ZCCHC10: variants seen among roughly 807,000 people sequenced by gnomAD.
ZCCHC10 encodes zinc finger CCHC-type containing 10.
Under a neutral mutation model 19.5 loss-of-function variants are expected in ZCCHC10, and 16 were observed. That is an observed-to-expected ratio of 0.82 (90% CI 0.56 to 1.25). ZCCHC10 has a LOEUF of 1.25. ZCCHC10 is among the 50% of genes most tolerant of loss of function. The pLI is 0.00. For missense variants in ZCCHC10, 197 were observed against 201.0 expected, an observed-to-expected ratio of 0.98 and a Z score of 0.12; for synonymous variants, 67 against 72.5, an observed-to-expected ratio of 0.92 and a Z score of 0.38.
At chr5:133,021,141 C>T (rs1325324547) in intron 2 of ZCCHC10, among the ~76,000 whole-genome samples, 2 of 152,160 alleles carry the variant, frequency 1.3e-5, no homozygotes, top group Non-Finnish European at 2.9e-5. Flanking sequence ...CGTGATCCGC[C>T]CGCCTCGGCC....
chr5:133,015,232 C>T (rs1763844194), intron 2 of ZCCHC10, among the ~76,000 whole-genome samples: 1 of 151,918 alleles, frequency 6.6e-6, no homozygotes, highest in African/African-American at 2.4e-5. Context: ...GTGCGCACCA[C>T]CACACTCAGC....
At chr5:133,024,706 A>T (rs1303722192) in intron 1 of ZCCHC10, among the ~76,000 whole-genome samples, 1 of 152,184 alleles carries the variant, frequency 6.6e-6, no homozygotes, top group Non-Finnish European at 1.5e-5. Flanking sequence ...GTTCGAGACC[A>T]GCCTGACCAA....
chr5:133,018,461 G>A (rs1310812204), intron 2 of ZCCHC10, among the ~76,000 whole-genome samples: 19 of 151,976 alleles, frequency 1.3e-4, no homozygotes, highest in African/African-American at 3.9e-4. Flanking sequence ...GTACAGTGGC[G>A]CAATCTCGGT....
At chr5:133,013,778 A>G (rs888704970) in intron 2 of ZCCHC10, among the ~76,000 whole-genome samples, 1 of 146,860 alleles carries the variant, frequency 6.8e-6, no homozygotes, top group Non-Finnish European at 1.5e-5. Flanking sequence ...ATAAGAATAC[A>G]AATTGGTACA....
At chr5:132,999,732 G>C (rs1398301102) in intron 4 of ZCCHC10, among the ~76,000 whole-genome samples, 1 of 152,078 alleles carries the variant, frequency 6.6e-6, no homozygotes, top group African/African-American at 2.4e-5. Context: ...GCAGTAAGAG[G>C]CTTCAGATCC....
chr5:133,014,561 C>T (rs144694837), intron 2 of ZCCHC10, among the ~76,000 whole-genome samples: 184 of 152,338 alleles, frequency 1.2e-3, no homozygotes, highest in African/African-American at 4.2e-3. Flanking sequence ...TGTCACATTT[C>T]TTTAGTCTCC....
At chr5:133,009,727 T>C (rs1156415065) in intron 2 of ZCCHC10, among the ~76,000 whole-genome samples, 1 of 150,978 alleles carries the variant, frequency 6.6e-6, no homozygotes, top group East Asian at 2.0e-4. Context: ...AGGGTAAGCA[T>C]CACATATTAC....
chr5:133,016,014 T>C (rs1409041255), intron 2 of ZCCHC10, among the ~76,000 whole-genome samples: 2 of 152,176 alleles, frequency 1.3e-5, no homozygotes, highest in Non-Finnish European at 2.9e-5. Flanking sequence ...ATTGTCACAG[T>C]TTTGGTCAGT....
chr5:133,024,394 A>G (rs554368856), intron 1 of ZCCHC10, among the ~76,000 whole-genome samples: 8 of 152,290 alleles, frequency 5.3e-5, no homozygotes, highest in South Asian at 2.1e-4. Flanking sequence ...ATGTAATCCA[A>G]TCTAGACCAA....
intron 2 of ZCCHC10, among the ~76,000 whole-genome samples, chr5:133,013,875 T>A (rs1390010490): frequency 6.6e-6 from 1 of 152,152 alleles, no homozygotes; most frequent in Non-Finnish European, 1.5e-5. Flanking sequence ...GCAATTCTAC[T>A]TGTATGCAAT....
intron 3 of ZCCHC10, among the ~76,000 whole-genome samples, chr5:133,002,639 TTA>T (rs1762846452): frequency 6.6e-6 from 1 of 152,186 alleles, no homozygotes; most frequent in African/African-American, 2.4e-5. Context: ...AAAGGGCATA[TTA>T]TATACATATT....
In ZCCHC10 at chr5:133,000,125, C is replaced by T. The variant is rs1762666619; in HGVS notation, c.311+7G>A. On this transcript the variant is annotated splice_region_variant and intron_variant, in intron 4 of 4. Coordinates refer to ENST00000509437, the MANE Select transcript of ZCCHC10 (RefSeq NM_001300816.3). ...TATCTATAAAACACTGCTAAAACCA[C>T]ACATACCTTTTTTTCTTGGCCTTTC... 7 of 1,613,600 alleles carry T rather than the reference C, an allele frequency of 4.3e-6. No homozygotes were observed. The highest frequency in any genetic ancestry group is 2.7e-5 in the African/African-American group (2 of 74,900).
intron 2 of ZCCHC10, among the ~76,000 whole-genome samples, chr5:133,019,991 C>G (rs1764196130): frequency 6.7e-6 from 1 of 149,104 alleles, no homozygotes; most frequent in African/African-American, 2.5e-5. Flanking sequence ...AAAAAGAGAA[C>G]ATAAAAGATG....
At chr5:133,009,166 C>G (rs1194355913) in intron 2 of ZCCHC10, among the ~76,000 whole-genome samples, 2 of 152,026 alleles carry the variant, frequency 1.3e-5, no homozygotes, top group Non-Finnish European at 2.9e-5. Context: ...TCACGCCCGG[C>G]TAATTTTTGT....
At chr5:133,015,846 G>C (rs535824466) in intron 2 of ZCCHC10, among the ~76,000 whole-genome samples, 5 of 152,294 alleles carry the variant, frequency 3.3e-5, no homozygotes, top group African/African-American at 1.2e-4. Flanking sequence ...CACAGCAATT[G>C]ATAACTAATA....
Position 133,006,732 on chromosome 5 carries a change from T to C in ZCCHC10, c.269+27A>G, listed in dbSNP as rs777037846. The C allele has an allele frequency of 5.1e-6, 8 of 1,564,692 alleles. No individual in the cohort carries two copies. In the South Asian group the frequency reaches 7.3e-5, roughly 14 times the overall value. On this transcript the variant is annotated intron_variant, in intron 3 of 4. Transcript: ENST00000509437. ...TTCTATATACACATTAAAAAAATAT[T>C]CCTTTGGATACCACATGTAAACCTA...
intron 2 of ZCCHC10, among the ~76,000 whole-genome samples, chr5:133,016,545 C>T (rs147486158): frequency 0.013 from 1,989 of 152,070 alleles, 43 homozygotes; most frequent in African/African-American, 0.046. Context: ...GGGGTTCAAT[C>T]GATTCTCTTG....
rs188033307 is a variant in ZCCHC10, at chr5:133,015,055, T to C, written c.107+7786A>G. Among the ~76,000 whole-genome samples, 388 of 151,246 alleles carry C rather than the reference T, an allele frequency of 2.6e-3. 3 individuals carry two copies. The highest frequency in any genetic ancestry group is 3.6e-3 in the Non-Finnish European group (245 of 67,892). The stretch of plus-strand genomic sequence containing the variant: ...TTTGATCCCTTGATTAAGGAGTGCC[T>C]ACCAGACTTCGCCACTGTGAGGTTT... On this transcript the variant is annotated intron_variant, in intron 2 of 4. Coordinates refer to ENST00000509437, the MANE Select transcript of ZCCHC10 (RefSeq NM_001300816.3).
rs771488463 is a variant in ZCCHC10 at position 133,006,860 on chromosome 5, A to G, written c.168T>C (p.Tyr56=). 9 of 1,613,060 alleles carry G rather than the reference A, an allele frequency of 5.6e-6. No homozygotes were observed. The highest frequency in any genetic ancestry group is 1.7e-5 in the Admixed American group (1 of 59,930). Reference sequence around the variant, plus strand: ...GGTATTTTCTTTTTCCTGTGCATTCATAAGTCCAATGTCCAAATTCCAAGC... The same window carrying G: ...GGTATTTTCTTTTTCCTGTGCATTCGTAAGTCCAATGTCCAAATTCCAAGC... ...QKCLEFGHWT[Y]ECTGKRKYLH... is the part of the protein sequence containing the mutation. The change falls in exon 3 of 5, where the codon TAT becomes TAC. Residue 56 remains tyrosine, a synonymous_variant. Coordinates refer to ENST00000509437, the MANE Select transcript of ZCCHC10 (RefSeq NM_001300816.3).
Sources: gnomAD v4.1 joint callset for allele counts (sites outside exome capture counted in the v4.1 genomes callset) on GRCh38, gnomAD v4.1.1 for gene constraint, MANE v1.5 for transcripts, NCBI Gene and HGNC (gene_info 2026-07-23, HGNC 2026-07-21) for gene names.